The following TNFSF4 variants were observed in gnomAD, a reference collection of about 807,000 sequenced individuals.
The protein encoded by TNFSF4 is TNF superfamily member 4.
A neutral mutation model predicts 7.3 loss-of-function variants in TNFSF4; 4 were observed. The ratio of observed to expected loss-of-function variants is 0.55; its 90% CI spans 0.27 to 1.25. The LOEUF is 1.25. Among genes scored for constraint, TNFSF4 ranks in the 50% most tolerant of loss-of-function variants. The pLI is 0.12. For synonymous variants in TNFSF4, 76 were observed against 83.7 expected (o/e 0.91, Z 0.50); for missense variants, 181 against 208.8 (o/e 0.87, Z 0.82).
chr1:173,360,185 T>A, the TNFSF4 span, among the ~76,000 whole-genome samples: 1 of 152,130 alleles, frequency 6.6e-6, no homozygotes, highest in African/African-American at 2.4e-5. Context: ...TTTGTTTGGA[T>A]GCTTGCTTAA....
chr1:173,227,267 CTTA>C, the TNFSF4 span, among the ~76,000 whole-genome samples: 3 of 152,056 alleles, frequency 2.0e-5, no homozygotes, highest in African/African-American at 7.2e-5. Flanking sequence ...TTGGTTCTAT[CTTA>C]TTTTGATTTT....
the TNFSF4 span, among the ~76,000 whole-genome samples, chr1:173,222,965 C>T: frequency 6.6e-6 from 1 of 152,188 alleles, no homozygotes; most frequent in Non-Finnish European, 1.5e-5. Context: ...TCAAGCAGGG[C>T]TACACCTCTG....
At chr1:173,429,158 A>C in the TNFSF4 span, among the ~76,000 whole-genome samples, 1 of 152,174 alleles carries the variant, frequency 6.6e-6, no homozygotes, top group Admixed American at 6.5e-5. Flanking sequence ...TTACACTATT[A>C]TCTCTACTTG....
At chr1:173,444,110 C>A in the TNFSF4 span, among the ~76,000 whole-genome samples, 1 of 152,158 alleles carries the variant, frequency 6.6e-6, no homozygotes, top group Non-Finnish European at 1.5e-5. Context: ...GGAGATTCCA[C>A]TTCAAGCCTT....
chr1:173,275,420 T>C, the TNFSF4 span, among the ~76,000 whole-genome samples: 1 of 152,188 alleles, frequency 6.6e-6, no homozygotes, highest in Non-Finnish European at 1.5e-5. Context: ...CTCTGTGCTC[T>C]ATACAAACAT....
chr1:173,312,177 T>C, the TNFSF4 span, among the ~76,000 whole-genome samples: 1 of 152,134 alleles, frequency 6.6e-6, no homozygotes, highest in African/African-American at 2.4e-5. Context: ...CATCCCTGTC[T>C]TCAGAAATAT....
chr1:173,188,286 A>C (rs1205827760), intron 2 of TNFSF4, among the ~76,000 whole-genome samples: 2 of 152,240 alleles, frequency 1.3e-5, no homozygotes, highest in African/African-American at 4.8e-5. Context: ...GAGGAACATA[A>C]AGTGATTAGT....
chr1:173,329,883 T>C, the TNFSF4 span, among the ~76,000 whole-genome samples: 1 of 152,100 alleles, frequency 6.6e-6, no homozygotes, highest in Non-Finnish European at 1.5e-5. Context: ...ACTCAACAAT[T>C]TAGTTATGCA....
the TNFSF4 span, among the ~76,000 whole-genome samples, chr1:173,348,187 T>C: frequency 1.3e-5 from 2 of 152,190 alleles, no homozygotes; most frequent in African/African-American, 4.8e-5. Flanking sequence ...AATTCCCTCA[T>C]GTTGTGGGAG....
the TNFSF4 span, among the ~76,000 whole-genome samples, chr1:173,381,852 G>T: frequency 2.0e-5 from 3 of 152,150 alleles, no homozygotes; most frequent in African/African-American, 7.2e-5. Flanking sequence ...AGCGCTCTGT[G>T]TCTAGCTAAA....
the TNFSF4 span, among the ~76,000 whole-genome samples, chr1:173,273,441 G>A: frequency 6.6e-6 from 1 of 152,020 alleles, no homozygotes; most frequent in African/African-American, 2.4e-5. Flanking sequence ...TTTTGAAATA[G>A]TTTTCTTTAT....
At chr1:173,421,638 T>G in the TNFSF4 span, among the ~76,000 whole-genome samples, 1 of 152,154 alleles carries the variant, frequency 6.6e-6, no homozygotes, top group Non-Finnish European at 1.5e-5. Flanking sequence ...TGACTGATTT[T>G]CCCGTATCTG....
At chr1:173,272,512 C>T in the TNFSF4 span, among the ~76,000 whole-genome samples, 1 of 151,926 alleles carries the variant, frequency 6.6e-6, no homozygotes, top group South Asian at 2.1e-4. Flanking sequence ...AATCGTTTCC[C>T]ATCGAAATTC....
the TNFSF4 span, among the ~76,000 whole-genome samples, chr1:173,342,956 A>G: frequency 6.6e-6 from 1 of 152,254 alleles, no homozygotes; most frequent in Non-Finnish European, 1.5e-5. Flanking sequence ...TAGTAGAGTC[A>G]GCACTCAGCA....
chr1:173,339,606 T>C, the TNFSF4 span, among the ~76,000 whole-genome samples: 3 of 152,194 alleles, frequency 2.0e-5, no homozygotes, highest in South Asian at 4.1e-4. Context: ...TCTCTTCTCA[T>C]GCAACATAAG....
At chr1:173,318,118 T>G in the TNFSF4 span, among the ~76,000 whole-genome samples, 3 of 152,162 alleles carry the variant, frequency 2.0e-5, no homozygotes, top group African/African-American at 7.2e-5. Context: ...GTCTTCATAT[T>G]AGGCAAATAA....
At chr1:173,289,295 G>A in the TNFSF4 span, among the ~76,000 whole-genome samples, 23 of 152,084 alleles carry the variant, frequency 1.5e-4, no homozygotes, top group Non-Finnish European at 2.2e-4. Flanking sequence ...ATATAGAAAT[G>A]TAAGAGACAC....
At chr1:173,394,225 A>C in the TNFSF4 span, among the ~76,000 whole-genome samples, 3 of 151,468 alleles carry the variant, frequency 2.0e-5, no homozygotes, top group African/African-American at 7.3e-5. Context: ...TTAAAAAAAA[A>C]AAAAAAAAAA....
the TNFSF4 span, among the ~76,000 whole-genome samples, chr1:173,251,998 T>C: frequency 1.3e-5 from 2 of 152,194 alleles, no homozygotes; most frequent in Non-Finnish European, 2.9e-5. Flanking sequence ...GCCCTGTTAT[T>C]GTGTGGCTTG....
Sources: gnomAD v4.1 joint callset for allele counts (sites outside exome capture counted in the v4.1 genomes callset) on GRCh38, gnomAD v4.1.1 for gene constraint, MANE v1.5 for transcripts, NCBI Gene and HGNC (gene_info 2026-07-23, HGNC 2026-07-21) for gene names.